Variants in GDPD4 observed in about 807,000 individuals in gnomAD.
GDPD4 encodes the protein glycerophosphodiester phosphodiesterase domain containing 4.
GDPD4 carries 60 observed loss-of-function variants against 67.8 expected under a neutral mutation model. That is an observed-to-expected ratio of 0.88 (90% CI 0.72 to 1.10). The LOEUF is 1.10. Among genes scored for constraint, GDPD4 ranks in the 50% least tolerant of loss-of-function variants. The probability of loss-of-function intolerance (pLI) is 0.00; values close to 1 mark genes in which losing one functional copy is unlikely to be tolerated. For synonymous variants in GDPD4, 212 were observed against 210.9 expected (o/e 1.00, Z -0.04); for missense variants, 623 against 613.9 (o/e 1.01, Z -0.16).
chr11:77,259,713 G>A (rs937749181), intron 10 of GDPD4, among the ~76,000 whole-genome samples: 7 of 152,100 alleles, frequency 4.6e-5, no homozygotes, highest in Admixed American at 3.3e-4. Context: ...AGTAAGGGGG[G>A]AGCCAAGACA....
In GDPD4 at chr11:77,258,303, C is replaced by G. The variant is rs1337134280; in HGVS notation, c.864+83G>C. The G allele has an allele frequency of 1.0e-5, 14 of 1,333,922 alleles. No homozygotes were observed. The East Asian group carries it at 1.2e-4, about 11-fold the overall frequency. 82.6% of individuals were successfully genotyped at this position (1,333,922 alleles called of 1,614,324 possible). A position where few individuals can be genotyped will look rare whatever the true frequency, so the allele number is the denominator to read the frequency against. Reference sequence around the variant, plus strand: ...CGTGTGGATACTTGCCTATCTTCATCTATGGCCTTTATTTTCAGGAGCAGC... The same window carrying G: ...CGTGTGGATACTTGCCTATCTTCATGTATGGCCTTTATTTTCAGGAGCAGC... On this transcript the variant is annotated intron_variant, in intron 11 of 16. Transcript: ENST00000315938.
At chr11:77,257,552 T>TACACACACACACACAC (rs71043563) in intron 11 of GDPD4, among the ~76,000 whole-genome samples, 11 of 134,264 alleles carry the variant, frequency 8.2e-5, no homozygotes, top group African/African-American at 2.5e-4. Context: ...CTCCCTCTCC[T>TACACACACACACACAC]ACACACACAC....
chr11:77,294,422 G>A (rs546072834), intron 1 of GDPD4, among the ~76,000 whole-genome samples: 1 of 152,252 alleles, frequency 6.6e-6, no homozygotes, highest in East Asian at 1.9e-4. Flanking sequence ...CAAAATATGT[G>A]CAGGATCTGC....
At chr11:77,261,173 G>C (rs1427935253) in intron 10 of GDPD4, among the ~76,000 whole-genome samples, 1 of 151,792 alleles carries the variant, frequency 6.6e-6, no homozygotes, top group Non-Finnish European at 1.5e-5. Context: ...TAAACTACAG[G>C]CAAGAAAAAT....
intron 13 of GDPD4, among the ~76,000 whole-genome samples, chr11:77,243,178 A>G (rs1156603043): frequency 2.0e-5 from 3 of 152,178 alleles, no homozygotes; most frequent in Non-Finnish European, 2.9e-5. Context: ...CTCTAATTGT[A>G]TATTTATAAA....
chr11:77,250,320 A>G (rs1212623408), intron 11 of GDPD4, among the ~76,000 whole-genome samples: 1 of 152,142 alleles, frequency 6.6e-6, no homozygotes, highest in Non-Finnish European at 1.5e-5. Context: ...GCTCCCACTT[A>G]TAAGTGAGAA....
intron 16 of GDPD4, among the ~76,000 whole-genome samples, chr11:77,221,258 TA>T (rs1958219019): frequency 6.6e-6 from 1 of 152,208 alleles, no homozygotes; most frequent in East Asian, 1.9e-4. Flanking sequence ...TGATCTTAGT[TA>T]TTTCTTGCCT....
At chr11:77,220,773 A>G (rs1392111048) in intron 16 of GDPD4, among the ~76,000 whole-genome samples, 5 of 152,218 alleles carry the variant, frequency 3.3e-5, no homozygotes, top group Non-Finnish European at 5.9e-5. Flanking sequence ...TAGTTTCAGA[A>G]GAAATAGTAC....
intron 12 of GDPD4, among the ~76,000 whole-genome samples, chr11:77,244,262 T>C (rs1165963703): frequency 6.6e-6 from 1 of 152,142 alleles, no homozygotes; most frequent in African/African-American, 2.4e-5. Flanking sequence ...CTCGATCTCC[T>C]GACCTCATGA....
rs183523243 is a variant in GDPD4 at position 77,258,540 on chromosome 11, T to C, written c.710A>G (p.Tyr237Cys). Residue 237 changes from tyrosine to cysteine, a missense_variant and splice_region_variant, in exon 11 of 17, where the codon TAT (tyrosine) becomes TGT (cysteine). By Grantham distance (194) the Tyr-to-Cys change is radical. Transcript: ENST00000315938. ...HGLETDIHLS[Y>C]DHVPFLMHDF... The stretch of plus-strand genomic sequence containing the variant: ...ATGCATGAGGAAAGGCACATGATCA[T>C]AACTGAGGCAGAGGTAGAAAAGAAG... 10 of 1,613,770 alleles carry C rather than the reference T, an allele frequency of 6.2e-6. No homozygotes were observed. In the Admixed American group the frequency reaches 1.0e-4, roughly 16 times the overall value.
intron 1 of GDPD4, among the ~76,000 whole-genome samples, chr11:77,288,547 T>C (rs955446022): frequency 6.6e-6 from 1 of 152,124 alleles, no homozygotes; most frequent in African/African-American, 2.4e-5. Context: ...CCACTGATAT[T>C]GATTACAGCC....
chr11:77,244,595 T>G (rs1958743811), intron 12 of GDPD4, among the ~76,000 whole-genome samples: 1 of 152,112 alleles, frequency 6.6e-6, no homozygotes, highest in Non-Finnish European at 1.5e-5. Context: ...TCTTAGCACT[T>G]TGGAAGGCCG....
In GDPD4 at chr11:77,217,330, G is replaced by C; in HGVS notation, c.1526-16C>G. 1 of 1,585,820 alleles carries C rather than the reference G, an allele frequency of 6.3e-7. No individual in the cohort carries two copies. The highest frequency in any genetic ancestry group is 1.7e-5 in the Admixed American group (1 of 60,004). On this transcript the variant is annotated splice_polypyrimidine_tract_variant and intron_variant, in intron 16 of 16. Transcript: ENST00000315938. Reference sequence around the variant, plus strand: ...CTCTGAGTATCTGTGGGATGGAAAAGACACAGATTCCTCAAATGTCACTTC... The same window carrying C: ...CTCTGAGTATCTGTGGGATGGAAAACACACAGATTCCTCAAATGTCACTTC...
intron 3 of GDPD4, among the ~76,000 whole-genome samples, chr11:77,283,918 C>T (rs1318203774): frequency 6.8e-6 from 1 of 147,456 alleles, no homozygotes; most frequent in Non-Finnish European, 1.5e-5. Context: ...TGCAGTGGCA[C>T]GATCTCGGCT....
At position 77,233,169 on chromosome 11, in the gene GDPD4, A is replaced by C. The variant is rs777867299; in HGVS notation, c.1245T>G (p.Asp415Glu). 3 of 1,613,436 alleles carry C rather than the reference A, an allele frequency of 1.9e-6. No individual in the cohort carries two copies. The South Asian group carries it at 3.3e-5, about 18-fold the overall frequency. The change falls in exon 14 of 17, where the codon GAT becomes GAG. Residue 415 changes from aspartate (D) to glutamate (E), a missense_variant. Coordinates refer to ENST00000315938, the MANE Select transcript of GDPD4 (RefSeq NM_182833.3). ...YKKLFPNGLR[D>E]YKAANIHINV... The stretch of plus-strand genomic sequence containing the variant: ...TGATATGGATGTTAGCTGCTTTATA[A>C]TCTCTGGAACAAAAACAGAACCCAC...
intron 3 of GDPD4, among the ~76,000 whole-genome samples, chr11:77,281,701 A>G (rs1456561957): frequency 6.6e-6 from 1 of 152,154 alleles, no homozygotes; most frequent in African/African-American, 2.4e-5. Flanking sequence ...TAAACACAAC[A>G]CACTTTGATT....
chr11:77,281,001 A>C (rs1006915284), intron 3 of GDPD4, among the ~76,000 whole-genome samples: 3 of 152,192 alleles, frequency 2.0e-5, no homozygotes, highest in Middle Eastern at 3.2e-3. Flanking sequence ...GAATGTGTCC[A>C]ATTTAGGCTT....
chr11:77,258,596 C>A, intron 10 of GDPD4, 54 bp from the exon 11 acceptor site: 2 of 1,564,920 alleles, frequency 1.3e-6, no homozygotes, highest in South Asian at 1.1e-5. Context: ...ATTTAGCTAC[C>A]TTGGTAGACA....
At chr11:77,273,558 A>T (rs1761647684) in intron 5 of GDPD4, among the ~76,000 whole-genome samples, 1 of 152,228 alleles carries the variant, frequency 6.6e-6, no homozygotes, top group South Asian at 2.1e-4. Context: ...ATGAATTCTA[A>T]GGGTGCTAGA....
Sources: gnomAD v4.1 joint callset for allele counts (sites outside exome capture counted in the v4.1 genomes callset) on GRCh38, gnomAD v4.1.1 for gene constraint, MANE v1.5 for transcripts, NCBI Gene and HGNC (gene_info 2026-07-23, HGNC 2026-07-21) for gene names.